ALMS1: variants seen among roughly 807,000 people sequenced by gnomAD.
The protein encoded by ALMS1 is ALMS1 centrosome and basal body associated protein.
A neutral mutation model predicts 352.2 loss-of-function variants in ALMS1; 271 were observed. The observed-to-expected ratio is 0.77, with a 90% confidence interval of 0.70 to 0.85. ALMS1 has a LOEUF of 0.85. Among genes scored for constraint, ALMS1 ranks in the 40% least tolerant of loss-of-function variants. The pLI is 0.00. For synonymous variants in ALMS1, 1,865 were observed against 1,761.2 expected, an observed-to-expected ratio of 1.06 and a Z score of -1.48; for missense variants, 5,445 against 4,870.7, an observed-to-expected ratio of 1.12 and a Z score of -3.51.
chr2:73,460,699 G>A (rs895127579), intron 9 of ALMS1, among the ~76,000 whole-genome samples: 1 of 152,202 alleles, frequency 6.6e-6, no homozygotes, highest in Non-Finnish European at 1.5e-5. Flanking sequence ...TCAAAGAAAG[G>A]GGTGACAGAC....
chr2:73,407,451 A>T (rs553324904), intron 1 of ALMS1, among the ~76,000 whole-genome samples: 1 of 152,106 alleles, frequency 6.6e-6, no homozygotes, highest in Non-Finnish European at 1.5e-5. Flanking sequence ...GTTAATTTTT[A>T]TGCTTTTGTC....
At position 73,451,182 on chromosome 2, in the gene ALMS1, C is replaced by G. The variant is rs1476530537; in HGVS notation, c.4655C>G (p.Ser1552Cys). The G allele has an allele frequency of 3.7e-6, 6 of 1,612,986 alleles. No homozygotes were observed. The South Asian group carries it at 5.5e-5, about 15-fold the overall frequency. Residue 1552 changes from serine (S) to cysteine (C), a missense_variant, in exon 8 of 23, where the codon TCT becomes TGT. Physicochemically the swap from Ser to Cys is moderately radical, Grantham distance 112. Coordinates refer to ENST00000613296, the MANE Select transcript of ALMS1 (RefSeq NM_001378454.1). ...CCTGAAGAGGCTCTCAGAGTTTCTT[C>G]TGCTCCTGGACCAGCTGACCAGACA... Reference protein sequence around the residue: ...QIPEEALRVSSAPGPADQTTG... With the variant: ...QIPEEALRVSCAPGPADQTTG...
intron 2 of ALMS1, among the ~76,000 whole-genome samples, chr2:73,411,225 C>T (rs370553709): frequency 6.6e-6 from 1 of 151,506 alleles, no homozygotes; most frequent in Admixed American, 6.6e-5. Flanking sequence ...AGAAGATGGC[C>T]GTGTGAAGAT....
chr2:73,573,303 A>G lies in ALMS1; in HGVS notation c.11426A>G (p.Tyr3809Cys), dbSNP rs948102771. 2.5e-6 allele frequency: 4 copies of G among 1,614,016 alleles called. No homozygotes were observed. The highest frequency in any genetic ancestry group is 1.6e-4 in the Middle Eastern group (1 of 6,084). The change falls in exon 16 of 23, where the codon TAT becomes TGT. Residue 3809 changes from tyrosine (Y) to cysteine (C), a missense_variant. Coordinates refer to ENST00000613296, the MANE Select transcript of ALMS1 (RefSeq NM_001378454.1). ...VCLSPRRIKL[Y>C]SSITNQQRRY... Reference sequence around the variant, plus strand: ...TTGTCACCCAGACGAATTAAATTATATAGCAGCATCACCAACCAACAGAGG... The same window carrying G: ...TTGTCACCCAGACGAATTAAATTATGTAGCAGCATCACCAACCAACAGAGG...
intron 10 of ALMS1, among the ~76,000 whole-genome samples, chr2:73,498,711 C>G (rs570978727): frequency 6.6e-6 from 1 of 152,124 alleles, no homozygotes. Flanking sequence ...ACGTAATGAT[C>G]TCTAGTTCCA....
intron 16 of ALMS1, among the ~76,000 whole-genome samples, chr2:73,586,167 A>C (rs2104146583): frequency 6.6e-6 from 1 of 152,334 alleles, no homozygotes; most frequent in South Asian, 2.1e-4. Context: ...TAGATTCTGC[A>C]TATTAGTCCG....
chr2:73,408,784 A>C, intron 2 of ALMS1, 37 bp downstream of exon 2: 1 of 1,582,194 alleles, frequency 6.3e-7, no homozygotes, highest in Non-Finnish European at 8.6e-7. Context: ...TTTTTTTTTG[A>C]TAAGCAGCAC....
intron 9 of ALMS1, among the ~76,000 whole-genome samples, chr2:73,478,334 A>G (rs932086295): frequency 3.3e-5 from 5 of 152,208 alleles, no homozygotes; most frequent in Non-Finnish European, 5.9e-5. Context: ...TAAAATGGAA[A>G]GGTTATTATG....
intron 13 of ALMS1, among the ~76,000 whole-genome samples, chr2:73,550,662 C>T (rs911273510): frequency 4.6e-5 from 7 of 152,088 alleles, no homozygotes; most frequent in Non-Finnish European, 8.8e-5. Context: ...ATTTTCACAA[C>T]GGATAATAAA....
intron 1 of ALMS1, among the ~76,000 whole-genome samples, chr2:73,397,043 A>G (rs1364273837): frequency 6.6e-6 from 1 of 151,944 alleles, no homozygotes; most frequent in Non-Finnish European, 1.5e-5. Flanking sequence ...CCTCCCCCTA[A>G]CTGGGGGGTA....
chr2:73,557,036 A>C (rs768704009), intron 13 of ALMS1, among the ~76,000 whole-genome samples, 184 bp from the exon 14 acceptor site: 36 of 152,286 alleles, frequency 2.4e-4, no homozygotes, highest in Non-Finnish European at 3.8e-4. Context: ...GTTGTTGTAC[A>C]CAGTAAAGTA....
At chr2:73,409,051 A>AAATTTTTT (rs1671027023) in intron 2 of ALMS1, among the ~76,000 whole-genome samples, 2 of 151,118 alleles carry the variant, frequency 1.3e-5, no homozygotes, top group South Asian at 4.2e-4. Flanking sequence ...TATTTTTAAA[A>AAATTTTTT]AATTTTTTAT....
chr2:73,423,864 A>T (rs1160475782), intron 4 of ALMS1, among the ~76,000 whole-genome samples: 1 of 151,516 alleles, frequency 6.6e-6, no homozygotes, highest in Admixed American at 6.6e-5. Flanking sequence ...TGTGACCTCT[A>T]ACTTCTGGGC....
intron 10 of ALMS1, among the ~76,000 whole-genome samples, chr2:73,513,389 A>G (rs1271107256): frequency 6.6e-6 from 1 of 152,132 alleles, no homozygotes; most frequent in Non-Finnish European, 1.5e-5. Flanking sequence ...GCATAGGCTC[A>G]TGACACCTCA....
intron 7 of ALMS1, among the ~76,000 whole-genome samples, chr2:73,433,446 G>T (rs1671550129): frequency 6.6e-6 from 1 of 151,924 alleles, no homozygotes; most frequent in African/African-American, 2.4e-5. Context: ...TTGATTAGAT[G>T]AGGTGGGAAT....
intron 12 of ALMS1, among the ~76,000 whole-genome samples, chr2:73,547,577 T>C (rs1674348482): frequency 6.6e-6 from 1 of 152,210 alleles, no homozygotes; most frequent in Admixed American, 6.5e-5. Context: ...TGGACTCCCA[T>C]AAATTTTATT....
intron 10 of ALMS1, among the ~76,000 whole-genome samples, chr2:73,518,157 CCT>C (rs1673599271): frequency 6.6e-6 from 1 of 151,832 alleles, no homozygotes; most frequent in East Asian, 1.9e-4. Context: ...CTGTTGTTCC[CCT>C]CTTTGTGTCC....
In ALMS1 at chr2:73,568,995, C is replaced by CTTTTTTTTTTTTTTTTTTT. The variant is rs747436819; in HGVS notation, c.10385-3248_10385-3230dup. 2.2e-4 allele frequency among the ~76,000 whole-genome samples: 12 copies of CTTTTTTTTTTTTTTTTTTT among 53,554 alleles called. 3 individuals are homozygous for CTTTTTTTTTTTTTTTTTTT. Among genetic ancestry groups the CTTTTTTTTTTTTTTTTTTT allele is most frequent in the African/African-American group, 5.7e-4 (7 of 12,312 alleles). The allele number at this position is 53,554 out of a possible 152,430, so 35.1% of individuals were successfully genotyped here. A position where few individuals can be genotyped will look rare whatever the true frequency, so the allele number is the denominator to read the frequency against. On this transcript the variant is annotated intron_variant, in intron 15 of 22. Coordinates refer to ENST00000613296, the MANE Select transcript of ALMS1 (RefSeq NM_001378454.1). ...AGCTTGCTTGCTGCTGCTTCTGCTT[C>CTTTTTTTTTTTTTTTTTTT]TTTTTTTTTTTTTTTTTTTTTTTTT... is the stretch of plus-strand genomic sequence containing the variant.
chr2:73,481,799 TG>T (rs1316532209), intron 9 of ALMS1, among the ~76,000 whole-genome samples: 3 of 151,436 alleles, frequency 2.0e-5, no homozygotes, highest in Non-Finnish European at 4.4e-5. Context: ...TCACATCCCT[TG>T]TAAGTTGGAT....
Sources: allele counts gnomAD v4.1 joint callset (sites outside exome capture counted in the v4.1 genomes callset), GRCh38; gene constraint gnomAD v4.1.1; transcripts MANE v1.5; gene names NCBI Gene and HGNC (gene_info 2026-07-23, HGNC 2026-07-21).